The following SYNE1 variants were observed in gnomAD, a reference collection of about 807,000 sequenced individuals.
SYNE1 encodes the protein nesprin-1.
Under a neutral mutation model 1,111.0 loss-of-function variants are expected in SYNE1, and 616 were observed. That is an observed-to-expected ratio of 0.55 (90% CI 0.52 to 0.59). SYNE1 has a LOEUF of 0.59. SYNE1 is among the 20% of genes least tolerant of loss of function. The pLI is 0.00. For missense variants in SYNE1, 10,006 were observed against 10,417.0 expected (o/e 0.96, Z 1.72); for synonymous variants, 3,855 against 3,825.8 (o/e 1.01, Z -0.28).
intron 20 of SYNE1, among the ~76,000 whole-genome samples, chr6:152,461,982 G>C (rs928994136): frequency 6.6e-6 from 1 of 151,306 alleles, no homozygotes; most frequent in Non-Finnish European, 1.5e-5. Context: ...AATGATCTTT[G>C]TACTTTCCAA....
chr6:152,428,747 A>C (rs11963167), intron 36 of SYNE1, among the ~76,000 whole-genome samples: 4,270 of 152,230 alleles, frequency 0.028, 217 homozygotes, highest in African/African-American at 0.098. Context: ...GTGCACCCCC[A>C]AAAACAAATA....
At chr6:152,335,468 A>G (rs1433917703) in intron 76 of SYNE1, 2 of 152,150 alleles carry the variant, frequency 1.3e-5, no homozygotes, top group African/African-American at 2.4e-5. Context: ...AAAAAATTAA[A>G]TTTCTAGGAT....
intron 96 of SYNE1, 36 bp from the exon 97 acceptor site, chr6:152,282,016 T>C: frequency 6.2e-7 from 1 of 1,603,344 alleles, no homozygotes; most frequent in Non-Finnish European, 8.5e-7. Context: ...TAGATCACGC[T>C]AAGGTAAAAT....
intron 97 of SYNE1, among the ~76,000 whole-genome samples, chr6:152,280,951 G>A (rs1431932703): frequency 5.3e-5 from 8 of 152,054 alleles, no homozygotes; most frequent in South Asian, 2.1e-4. Flanking sequence ...ATGGTGTACC[G>A]TAAATTAAGA....
chr6:152,237,507 G>A (rs1461224287), intron 108 of SYNE1, among the ~76,000 whole-genome samples: 1 of 150,910 alleles, frequency 6.6e-6, no homozygotes, highest in Non-Finnish European at 1.5e-5. Context: ...AGAGATGGGG[G>A]TCTCACTATG....
intron 29 of SYNE1, among the ~76,000 whole-genome samples, chr6:152,446,404 C>G (rs771764090): frequency 6.6e-6 from 1 of 152,096 alleles, no homozygotes; most frequent in African/African-American, 2.4e-5. Flanking sequence ...TAGGGAAACT[C>G]TAATTTATAT....
chr6:152,539,788 A>C (rs2099260577), intron 4 of SYNE1, among the ~76,000 whole-genome samples, 172 bp downstream of exon 4: 1 of 152,200 alleles, frequency 6.6e-6, no homozygotes, highest in African/African-American at 2.4e-5. Flanking sequence ...TCTTCCCAGA[A>C]GCAATGTTAG....
intron 81 of SYNE1, among the ~76,000 whole-genome samples, chr6:152,324,302 G>A (rs2095981119): frequency 6.6e-6 from 1 of 151,904 alleles, no homozygotes; most frequent in Admixed American, 6.6e-5. Context: ...ATGAGGGTGA[G>A]GCAGGAGAAT....
intron 11 of SYNE1, among the ~76,000 whole-genome samples, chr6:152,494,603 C>T (rs575281991): frequency 9.0e-4 from 137 of 152,250 alleles, no homozygotes; most frequent in Non-Finnish European, 1.7e-3. Flanking sequence ...AACTCAGGCC[C>T]TCACTCTTGC....
At chr6:152,372,284 A>G (rs2097203840) in intron 59 of SYNE1, among the ~76,000 whole-genome samples, 1 of 152,210 alleles carries the variant, frequency 6.6e-6, no homozygotes, top group Non-Finnish European at 1.5e-5. Flanking sequence ...ACAGAGATCA[A>G]TGGTCTTGGA....
intron 10 of SYNE1, among the ~76,000 whole-genome samples, chr6:152,502,003 T>C (rs1594128358): frequency 6.6e-6 from 1 of 152,156 alleles, no homozygotes; most frequent in African/African-American, 2.4e-5. Context: ...AACATCAACA[T>C]ATTAATTTTT....
At position 152,164,226 on chromosome 6, in the gene SYNE1, G is replaced by C. The variant is rs200146485; in HGVS notation, c.23727C>G (p.Ala7909=). The change falls in exon 131 of 146, where the codon GCC becomes GCG. Residue 7909 remains alanine (A), a synonymous_variant. Coordinates refer to ENST00000367255, the MANE Select transcript of SYNE1 (RefSeq NM_182961.4). ...TACAGGAATCGTAGACTATTGGCTT[G>C]GCCAGCTCTGACTCGATGTGAGCGA... The part of the protein sequence containing the change: ...TWLAHIESEL[A]KPIVYDSCNS... 1 of 1,610,766 alleles carries C rather than the reference G, an allele frequency of 6.2e-7. No homozygotes were observed. The highest frequency in any genetic ancestry group is 1.7e-5 in the Admixed American group (1 of 59,628).
intron 3 of SYNE1, among the ~76,000 whole-genome samples, chr6:152,604,461 A>G (rs900300991): frequency 6.6e-6 from 1 of 151,702 alleles, no homozygotes; most frequent in Non-Finnish European, 1.5e-5. Flanking sequence ...GCACCACCTC[A>G]TCTGGCTAAT....
intron 75 of SYNE1, among the ~76,000 whole-genome samples, chr6:152,338,911 T>A (rs2096468687): frequency 6.6e-6 from 1 of 151,114 alleles, no homozygotes; most frequent in Non-Finnish European, 1.5e-5. Flanking sequence ...AAGAAAAAGG[T>A]GGAAAAGGAG....
At chr6:152,323,827 G>T in intron 81 of SYNE1, 90 bp from the exon 82 acceptor site, 2 of 1,425,130 alleles carry the variant, frequency 1.4e-6, no homozygotes, top group Non-Finnish European at 1.9e-6. Context: ...ACTAGTGTAT[G>T]AAGCCAATTA....
At chr6:152,399,888 C>T (rs762389442) in intron 47 of SYNE1, 65 bp from the exon 48 acceptor site, 745 of 1,530,832 alleles carry the variant, frequency 4.9e-4, no homozygotes, top group Non-Finnish European at 6.1e-4. Context: ...ATTTACTTCA[C>T]TATGGTACTG....
chr6:152,333,879 C>G, intron 77 of SYNE1, 129 bp downstream of exon 77: 3 of 1,270,630 alleles, frequency 2.4e-6, no homozygotes, highest in Non-Finnish European at 3.4e-6. Context: ...CTAATCCACC[C>G]GCCTCAGCCT....
At chr6:152,580,894 T>C (rs2128416674) in intron 3 of SYNE1, among the ~76,000 whole-genome samples, 1 of 152,308 alleles carries the variant, frequency 6.6e-6, no homozygotes, top group Non-Finnish European at 1.5e-5. Context: ...GAGCCACAAA[T>C]GACCAGAACA....
At chr6:152,310,352 A>G in intron 89 of SYNE1, 44 bp downstream of exon 89, 1 of 1,612,798 alleles carries the variant, frequency 6.2e-7, no homozygotes, top group Admixed American at 1.7e-5. Context: ...TCTTTTAAAA[A>G]TATAGGTCCC....
Sources: gnomAD v4.1 joint callset for allele counts (sites outside exome capture counted in the v4.1 genomes callset) on GRCh38, gnomAD v4.1.1 for gene constraint, MANE v1.5 for transcripts, NCBI Gene and HGNC (gene_info 2026-07-23, HGNC 2026-07-21) for gene names.